The following F13A1 variants were observed in gnomAD, a reference collection of about 807,000 sequenced individuals.
The protein encoded by F13A1 is FSF, A subunit.
F13A1 carries 47 observed loss-of-function variants against 80.1 expected under a neutral mutation model. The observed-to-expected ratio is 0.59, with a 90% CI of 0.46 to 0.75. The LOEUF is 0.75. Ranked by LOEUF, F13A1 falls within the 30% of genes least tolerant of loss-of-function variation. The probability of loss-of-function intolerance (pLI) is 0.00; values close to 1 mark genes in which losing one functional copy is unlikely to be tolerated. For missense variants in F13A1, 817 were observed against 930.4 expected (o/e 0.88, Z 1.59); for synonymous variants, 349 against 344.9 (o/e 1.01, Z -0.13).
intron 3 of F13A1, among the ~76,000 whole-genome samples, chr6:6,291,327 C>G (rs756856605): frequency 1.3e-5 from 2 of 152,122 alleles, no homozygotes; most frequent in African/African-American, 4.8e-5. Flanking sequence ...TCTTCCCTCT[C>G]TGCCTGCTAC....
At chr6:6,308,266 C>T (rs1031490368) in intron 2 of F13A1, among the ~76,000 whole-genome samples, 2 of 152,118 alleles carry the variant, frequency 1.3e-5, no homozygotes, top group Admixed American at 1.3e-4. Flanking sequence ...TCAGGTGATC[C>T]GCCGGCTTGG....
chr6:6,215,283 A>C (rs879392237), intron 8 of F13A1, among the ~76,000 whole-genome samples: 16 of 126,578 alleles, frequency 1.3e-4, no homozygotes, highest in Non-Finnish European at 2.3e-4. Context: ...AATCCTCAAT[A>C]AAATACTGGC....
intron 8 of F13A1, among the ~76,000 whole-genome samples, chr6:6,207,163 C>T (rs927910887): frequency 6.6e-6 from 1 of 152,112 alleles, no homozygotes; most frequent in African/African-American, 2.4e-5. Flanking sequence ...ATTCTCACCC[C>T]ACCTCCACAG....
At chr6:6,306,806 C>T (rs1027682059) in intron 2 of F13A1, among the ~76,000 whole-genome samples, 3 of 152,196 alleles carry the variant, frequency 2.0e-5, no homozygotes, top group South Asian at 2.1e-4. Flanking sequence ...GTACCCATGC[C>T]GGGGCATCTC....
At chr6:6,298,355 G>C (rs1561683284) in intron 3 of F13A1, among the ~76,000 whole-genome samples, 3 of 149,916 alleles carry the variant, frequency 2.0e-5, no homozygotes, top group East Asian at 3.9e-4. Flanking sequence ...GGGTGTTAAA[G>C]CCTCCCATTA....
At chr6:6,217,295 T>C (rs1757107231) in intron 8 of F13A1, among the ~76,000 whole-genome samples, 1 of 152,014 alleles carries the variant, frequency 6.6e-6, no homozygotes, top group Non-Finnish European at 1.5e-5. Flanking sequence ...CCACAAATGA[T>C]AGACTGGATT....
chr6:6,292,876 C>G (rs1221863468), intron 3 of F13A1, among the ~76,000 whole-genome samples: 1 of 152,164 alleles, frequency 6.6e-6, no homozygotes, highest in Non-Finnish European at 1.5e-5. Flanking sequence ...CAGCTCTGCC[C>G]CATCCCTCTC....
chr6:6,253,162 AAGAGAG>A (rs60495036), intron 4 of F13A1, among the ~76,000 whole-genome samples: 2 of 106,344 alleles, frequency 1.9e-5, no homozygotes, highest in East Asian at 4.4e-4. Flanking sequence ...AAAAAAAAAA[AAGAGAG>A]AGAGAGAGAG....
chr6:6,184,395 G>A (rs1040561482), intron 10 of F13A1, among the ~76,000 whole-genome samples: 5 of 152,200 alleles, frequency 3.3e-5, no homozygotes, highest in Non-Finnish European at 5.9e-5. Context: ...CCACACTTGC[G>A]GCTCAGATTT....
rs1218521110 is a variant in F13A1, at chr6:6,217,470, T to A, written c.1112+4563A>T. ...GCATATTCTCACTCATAGGTGGGAA[T>A]TGAACAATGAGAACATATGGACACA... On this transcript the variant is annotated intron_variant, in intron 8 of 14. Transcript: ENST00000264870. 2.1e-5 allele frequency among the ~76,000 whole-genome samples: 3 copies of A among 140,778 alleles called. No individual in the cohort carries two copies. The Admixed American group carries it at 2.4e-4, about 11-fold the overall frequency. The allele number at this position is 140,778 out of a possible 152,430, so 92.4% of individuals were successfully genotyped here. A position where few individuals can be genotyped will look rare whatever the true frequency, so the allele number is the denominator to read the frequency against.
chr6:6,224,569 C>T (rs1757248458), intron 7 of F13A1, 117 bp downstream of exon 7: 7 of 924,444 alleles, frequency 7.6e-6, no homozygotes, highest in African/African-American at 1.7e-5. Context: ...AATGGCTCAC[C>T]CATAAATTCT....
chr6:6,269,870 C>T (rs548276923), intron 3 of F13A1, among the ~76,000 whole-genome samples: 7 of 152,120 alleles, frequency 4.6e-5, no homozygotes, highest in South Asian at 4.1e-4. Context: ...CCCACCATCA[C>T]GCCCGGCTAA....
intron 8 of F13A1, among the ~76,000 whole-genome samples, chr6:6,203,613 C>A (rs1271313548): frequency 6.6e-6 from 1 of 152,188 alleles, no homozygotes; most frequent in Non-Finnish European, 1.5e-5. Context: ...TTAGATGGGA[C>A]AACAGTCCCA....
Position 6,265,037 on chromosome 6 carries a change from C to A in F13A1, c.571+1521G>T, listed in dbSNP as rs540746701. Among the ~76,000 whole-genome samples the A allele has an allele frequency of 1.2e-4, 19 of 152,250 alleles. No homozygotes were observed. In the East Asian group the frequency reaches 3.5e-3, roughly 28 times the overall value. On this transcript the variant is annotated intron_variant, in intron 4 of 14. Coordinates refer to ENST00000264870, the MANE Select transcript of F13A1 (RefSeq NM_000129.4). ...ACACTTTGGGAGGCTCAGGCAGGAGCACTGCTTGAGCCCAAGAGTTCGAGA... is the reference window on the plus strand; with the variant it reads ...ACACTTTGGGAGGCTCAGGCAGGAGAACTGCTTGAGCCCAAGAGTTCGAGA...
chr6:6,241,338 C>A (rs1194461252), intron 6 of F13A1, among the ~76,000 whole-genome samples: 1 of 152,002 alleles, frequency 6.6e-6, no homozygotes. Flanking sequence ...TGTATCTTTA[C>A]CCCCACAAAG....
rs139272307 is a variant in F13A1 at position 6,162,319 on chromosome 6, C to G, written c.1908+5139G>C. Among the ~76,000 whole-genome samples, 1 of 152,318 alleles carries G rather than the reference C, an allele frequency of 6.6e-6. No individual in the cohort carries two copies. The highest frequency in any genetic ancestry group is 1.5e-5 in the Non-Finnish European group (1 of 68,020). The stretch of plus-strand genomic sequence containing the variant: ...CTACATACTGCCGTCCACCTCCCCT[C>G]TAGCCCTTGCTAACATTTTCTTCCT... On this transcript the variant is annotated intron_variant, in intron 13 of 14. Transcript: ENST00000264870. This position sits in a 1 kb window ranked among gnomAD's most constrained non-coding sequence, Gnocchi z 4.2.
At chr6:6,237,876 A>G (rs1757432966) in intron 6 of F13A1, among the ~76,000 whole-genome samples, 1 of 152,224 alleles carries the variant, frequency 6.6e-6, no homozygotes, top group African/African-American at 2.4e-5. Flanking sequence ...GAAGATGGCT[A>G]TAGGCTACAT....
intron 13 of F13A1, among the ~76,000 whole-genome samples, chr6:6,164,919 G>A (rs1252282486): frequency 6.6e-6 from 1 of 151,642 alleles, no homozygotes; most frequent in Admixed American, 6.6e-5. Context: ...CCAGTCCACA[G>A]GCCGGAGCTT....
intron 4 of F13A1, among the ~76,000 whole-genome samples, chr6:6,257,638 G>A (rs1314043703): frequency 6.6e-6 from 1 of 152,198 alleles, no homozygotes; most frequent in African/African-American, 2.4e-5. Context: ...TCAGGCTACT[G>A]CCATTCATCC....
Sources: allele counts gnomAD v4.1 joint callset (sites outside exome capture counted in the v4.1 genomes callset), GRCh38; gene constraint gnomAD v4.1.1; non-coding constraint Gnocchi (gnomAD v3.1); transcripts MANE v1.5; gene names NCBI Gene and HGNC (gene_info 2026-07-23, HGNC 2026-07-21).